The following REPIN1 variants were observed in gnomAD, a reference collection of about 807,000 sequenced individuals.
The protein encoded by REPIN1 is DNA-binding protein REPIN1.
A neutral mutation model predicts 5.7 loss-of-function variants in REPIN1; 4 were observed. That is an observed-to-expected ratio of 0.71 (90% confidence interval 0.35 to 1.62). The LOEUF (loss-of-function observed/expected upper bound fraction) is 1.62, where lower values mean the gene tolerates loss of function less well. Among genes scored for constraint, REPIN1 ranks in the 40% most tolerant of loss-of-function variants. REPIN1 has a pLI of 0.05. For synonymous variants in REPIN1, 410 were observed against 386.2 expected (o/e 1.06, Z -0.72); for missense variants, 854 against 901.0 (o/e 0.95, Z 0.67).
chr7:150,372,481 A>G lies in REPIN1; in HGVS notation c.1411A>G (p.Lys471Glu). 6.5e-7 allele frequency: 1 copy of G among 1,543,796 alleles called. No homozygotes were observed. Among genetic ancestry groups the G allele is most frequent in the South Asian group, 1.2e-5 (1 of 83,412 alleles). The change falls in exon 3 of 3, where the codon AAG becomes GAG. Residue 471 changes from lysine (K) to glutamate (E), a missense_variant. Transcript: ENST00000489432. The stretch of plus-strand genomic sequence containing the variant: ...CGCCGAGTGCGGGAAGAACTTCGGC[A>G]AGAAGACGCACCTGGTGGCGCACTC... ...TCAECGKNFGKKTHLVAHSRV... is the reference protein window; with the variant it reads ...TCAECGKNFGEKTHLVAHSRV...
At chr7:150,368,734 C>G (rs1323244575), upstream of REPIN1, 2 of 264,480 alleles carry the variant, frequency 7.6e-6, no homozygotes, top group African/African-American at 2.3e-5. Flanking sequence ...CAGGCCGCGG[C>G]CGCGGGAGCC....
rs1211742024 is a variant in REPIN1, at chr7:150,371,345, C to G, written c.275C>G (p.Ser92Cys). ...QESPQTLGKESRGLRQQGTSV... is the reference protein window; with the variant it reads ...QESPQTLGKECRGLRQQGTSV... ...TCACCCCAGACCCTGGGGAAGGAGT[C>G]CCGCGGGCTGAGGCAACAAGGCACG... The change falls in exon 3 of 3, where the codon TCC becomes TGC. Residue 92 changes from serine to cysteine, a missense_variant. Physicochemically the swap from Ser to Cys is moderately radical, Grantham distance 112. Around this residue, in one of 5 missense-constraint regions of REPIN1, gnomAD observed 409 missense variants for 418.6 expected, o/e 0.98. Coordinates refer to ENST00000489432, the MANE Select transcript of REPIN1 (RefSeq NM_001099695.2). The G allele has an allele frequency of 6.3e-7, 1 of 1,586,654 alleles. No individual in the cohort carries two copies. Among genetic ancestry groups the G allele is most frequent in the Admixed American group, 1.8e-5 (1 of 56,100 alleles).
Position 150,371,991 on chromosome 7 carries a change from C to G in REPIN1, c.921C>G (p.Asn307Lys). Residue 307 changes from asparagine (N) to lysine (K), a missense_variant, in exon 3 of 3, where the codon AAC becomes AAG. Physicochemically the swap from Asn to Lys is moderately conservative, Grantham distance 94 (BLOSUM62 0). Around this residue, in one of 5 missense-constraint regions of REPIN1, gnomAD observed 12 missense variants for 29.8 expected, o/e 0.40. Coordinates refer to ENST00000489432, the MANE Select transcript of REPIN1 (RefSeq NM_001099695.2). Reference protein sequence around the residue: ...CCGKRFRHKPNLIAHRRVHTG... With the variant: ...CCGKRFRHKPKLIAHRRVHTG... The stretch of plus-strand genomic sequence containing the variant: ...GCAAGCGCTTCCGGCACAAGCCCAA[C>G]TTGATCGCTCACCGCCGCGTGCACA... The G allele has an allele frequency of 6.2e-7, 1 of 1,611,486 alleles. No homozygotes were observed. Among genetic ancestry groups the G allele is most frequent in the Non-Finnish European group, 8.5e-7 (1 of 1,179,678 alleles).
In REPIN1 at chr7:150,371,985, G is replaced by A. The variant is rs747511625; in HGVS notation, c.915G>A (p.Lys305=). 3.1e-6 allele frequency: 5 copies of A among 1,610,904 alleles called. No individual in the cohort carries two copies. The East Asian group carries it at 8.9e-5, about 29-fold the overall frequency. The change falls in exon 3 of 3, where the codon AAG becomes AAA. Residue 305 remains lysine (K), a synonymous_variant. Transcript: ENST00000489432. ...GTTGTGGCAAGCGCTTCCGGCACAAGCCCAACTTGATCGCTCACCGCCGCG... is the reference window on the plus strand; with the variant it reads ...GTTGTGGCAAGCGCTTCCGGCACAAACCCAACTTGATCGCTCACCGCCGCG... The part of the protein sequence containing the change: ...CACCGKRFRH[K]PNLIAHRRVH...
chr7:150,368,661 G>A (rs1242314506), upstream of REPIN1: 1 of 205,354 alleles, frequency 4.9e-6, no homozygotes, highest in East Asian at 1.3e-4. Context: ...AGTGGCTTGA[G>A]TGACCCGGCC....
chr7:150,370,642 C>A, intron 2 of REPIN1: 1 of 679,150 alleles, frequency 1.5e-6, no homozygotes, highest in Non-Finnish European at 2.7e-6. Context: ...GGAAAGAACA[C>A]TGGCCTGGGA....
In REPIN1 at chr7:150,371,971, C is replaced by T; in HGVS notation, c.901C>T (p.Arg301Cys). ...RPFQCACCGKRFRHKPNLIAH... is the reference protein window; with the variant it reads ...RPFQCACCGKCFRHKPNLIAH... ...CTTCCAGTGTGCCTGTTGTGGCAAG[C>T]GCTTCCGGCACAAGCCCAACTTGAT... Residue 301 changes from arginine (R) to cysteine (C), a missense_variant, in exon 3 of 3, where the codon CGC becomes TGC. By Grantham distance (180) the Arg-to-Cys change is radical. This residue lies in a region of REPIN1 where 409 missense variants were observed against 418.6 expected (regional missense o/e 0.98). Coordinates refer to ENST00000489432, the MANE Select transcript of REPIN1 (RefSeq NM_001099695.2). 2 of 1,610,362 alleles carry T rather than the reference C, an allele frequency of 1.2e-6. No individual in the cohort carries two copies. Among genetic ancestry groups the T allele is most frequent in the Non-Finnish European group, 1.7e-6 (2 of 1,179,626 alleles).
chr7:150,370,380 T>G (rs1210954988), intron 2 of REPIN1: 12 of 306,042 alleles, frequency 3.9e-5, no homozygotes, highest in Non-Finnish European at 5.7e-5. Flanking sequence ...TGTCCTAATT[T>G]GTGTGGGTGG....
rs772783181 is a variant in REPIN1 at position 150,372,911 on chromosome 7, G to A, written c.1841G>A (p.Arg614Lys). 1.2e-5 allele frequency: 20 copies of A among 1,613,238 alleles called. No homozygotes were observed. Among genetic ancestry groups the A allele is most frequent in the South Asian group, 2.2e-5 (2 of 91,080 alleles). The change falls in exon 3 of 3, where the codon AGA becomes AAA. Residue 614 changes from arginine (R) to lysine (K), a missense_variant. By Grantham distance (26) the Arg-to-Lys change is conservative. This residue lies in a region of REPIN1 where 101 missense variants were observed against 124.7 expected (regional missense o/e 0.81). Coordinates refer to ENST00000489432, the MANE Select transcript of REPIN1 (RefSeq NM_001099695.2). ...ICGQTFDDEE[R>K]LLAHQKKHDV ...GGCCAGACCTTCGACGACGAGGAGA[G>A]ACTCCTGGCCCACCAGAAGAAGCAC... is the stretch of plus-strand genomic sequence containing the variant.
chr7:150,372,120 G>C lies in REPIN1; in HGVS notation c.1050G>C (p.Pro350=). Residue 350 remains proline, a synonymous_variant, in exon 3 of 3, where the codon CCG becomes CCC. Transcript: ENST00000489432. The part of the protein sequence containing the change: ...RRIHTGEKPY[P]CKECGRRFRH... The stretch of plus-strand genomic sequence containing the variant: ...TCCACACCGGCGAGAAGCCCTACCC[G>C]TGCAAAGAGTGCGGCCGCCGCTTCC... 6.2e-7 allele frequency: 1 copy of C among 1,609,920 alleles called. No homozygotes were observed. The highest frequency in any genetic ancestry group is 8.5e-7 in the Non-Finnish European group (1 of 1,178,704).
At position 150,371,359 on chromosome 7, in the gene REPIN1, C is replaced by A; in HGVS notation, c.289C>A (p.Gln97Lys). ...TLGKESRGLR[Q>K]QGTSVAQSGA... is the part of the protein sequence containing the mutation. ...GGGGAAGGAGTCCCGCGGGCTGAGG[C>A]AACAAGGCACGTCAGTGGCCCAGTC... Residue 97 changes from glutamine (Q) to lysine (K), a missense_variant, in exon 3 of 3, where the codon CAA becomes AAA. By Grantham distance (53) the Gln-to-Lys change is moderately conservative. Transcript: ENST00000489432. The A allele has an allele frequency of 6.3e-7, 1 of 1,591,126 alleles. No homozygotes were observed. Among genetic ancestry groups the A allele is most frequent in the Non-Finnish European group, 8.5e-7 (1 of 1,169,866 alleles).
chr7:150,370,191 C>G (rs926169689), intron 2 of REPIN1: 17 of 297,696 alleles, frequency 5.7e-5, no homozygotes, highest in African/African-American at 3.6e-4. Context: ...CATGGGGCAG[C>G]CCCTGGCGAG....
Position 150,373,026 on chromosome 7 carries a change from C to G in REPIN1, c.*81C>G. 1 of 1,538,158 alleles carries G rather than the reference C, an allele frequency of 6.5e-7. No homozygotes were observed. The highest frequency in any genetic ancestry group is 8.8e-7 in the Non-Finnish European group (1 of 1,136,704). On this transcript the variant is annotated 3_prime_UTR_variant, in exon 3 of 3. Coordinates refer to ENST00000489432, the MANE Select transcript of REPIN1 (RefSeq NM_001099695.2). ...GTCGCAGTGGGCTGGGGGTGCCTGC[C>G]TAGTGCTGGAGTAGGGGACAATGGG...
At position 150,371,473 on chromosome 7, in the gene REPIN1, C is replaced by G. The variant is rs746603161; in HGVS notation, c.403C>G (p.Arg135Gly). Reference sequence around the variant, plus strand: ...GGTGGCTCTGTGGCTTCACACCCGCCGGTGCCAGGCCCGGCTGCCCTTGCC... The same window carrying G: ...GGTGGCTCTGTGGCTTCACACCCGCGGGTGCCAGGCCCGGCTGCCCTTGCC... The part of the protein sequence containing the change: ...GWVALWLHTR[R>G]CQARLPLPCP... The change falls in exon 3 of 3, where the codon CGG becomes GGG. Residue 135 changes from arginine to glycine, a missense_variant. Around this residue, in one of 5 missense-constraint regions of REPIN1, gnomAD observed 409 missense variants for 418.6 expected, o/e 0.98. Coordinates refer to ENST00000489432, the MANE Select transcript of REPIN1 (RefSeq NM_001099695.2). 2 of 1,607,404 alleles carry G rather than the reference C, an allele frequency of 1.2e-6. No individual in the cohort carries two copies. Among genetic ancestry groups the G allele is most frequent in the Non-Finnish European group, 1.7e-6 (2 of 1,179,588 alleles).
chr7:150,372,634 G>T lies in REPIN1; in HGVS notation c.1564G>T (p.Gly522Cys), dbSNP rs776015913. The change falls in exon 3 of 3, where the codon GGC becomes TGC. Residue 522 changes from glycine to cysteine, a missense_variant. Gly to Cys is a radical substitution (Grantham distance 159). Around this residue, in one of 5 missense-constraint regions of REPIN1, gnomAD observed 327 missense variants for 307.8 expected, o/e 1.06. Transcript: ENST00000489432. Reference sequence around the variant, plus strand: ...TCGGCCCTTCGTGTGTCCCGACTGCGGCAAGGCCTTCCGCCACAAACCCTA... The same window carrying T: ...TCGGCCCTTCGTGTGTCCCGACTGCTGCAAGGCCTTCCGCCACAAACCCTA... Reference protein sequence around the residue: ...PDRPFVCPDCGKAFRHKPYLA... With the variant: ...PDRPFVCPDCCKAFRHKPYLA... 20 of 1,610,800 alleles carry T rather than the reference G, an allele frequency of 1.2e-5. No homozygotes were observed. Among genetic ancestry groups the T allele is most frequent in the Non-Finnish European group, 1.6e-5 (19 of 1,179,722 alleles).
At chr7:150,368,687 C>A (rs927317975), upstream of REPIN1, 16 of 224,218 alleles carry the variant, frequency 7.1e-5, no homozygotes, top group African/African-American at 3.2e-4. Context: ...TTGGCGGGGG[C>A]GCCCGCGCCC....
chr7:150,368,795 C>A (rs572119381), upstream of REPIN1: 2 of 293,154 alleles, frequency 6.8e-6, no homozygotes, highest in East Asian at 1.3e-4. Flanking sequence ...GGGAACCCGG[C>A]GGGGGGAGGT....
chr7:150,371,883 C>G lies in REPIN1; in HGVS notation c.813C>G (p.Pro271=). The G allele has an allele frequency of 6.2e-7, 1 of 1,605,912 alleles. No homozygotes were observed. The highest frequency in any genetic ancestry group is 2.2e-5 in the East Asian group (1 of 44,754). Residue 271 remains proline, a synonymous_variant, in exon 3 of 3, where the codon CCC becomes CCG. Transcript: ENST00000489432. ...LEEAAAKALG[P]RPRGRPAVTA... ...AGGCCGCAGCCAAGGCTCTGGGGCC[C>G]CGGCCCAGGGGCCGCCCCGCGGTGA...
chr7:150,372,332 C>T lies in REPIN1; in HGVS notation c.1262C>T (p.Pro421Leu). The T allele has an allele frequency of 6.6e-7, 1 of 1,522,116 alleles. No homozygotes were observed. The highest frequency in any genetic ancestry group is 8.8e-7 in the Non-Finnish European group (1 of 1,141,546). 94.3% of individuals were successfully genotyped at this position (1,522,116 alleles called of 1,614,324 possible). A position where few individuals can be genotyped will look rare whatever the true frequency, so the allele number is the denominator to read the frequency against. Residue 421 changes from proline to leucine, a missense_variant, in exon 3 of 3, where the codon CCG becomes CTG. Pro to Leu is a moderately conservative substitution (Grantham distance 98, BLOSUM62 -3). Transcript: ENST00000489432. ...EPPPGAPPEH[P>L]QDPIEAPPSL... Reference sequence around the variant, plus strand: ...CCGCCAGGGGCCCCGCCAGAGCACCCGCAGGACCCGATCGAAGCCCCCCCC... The same window carrying T: ...CCGCCAGGGGCCCCGCCAGAGCACCTGCAGGACCCGATCGAAGCCCCCCCC...
Sources: allele counts gnomAD v4.1 joint callset, GRCh38; gene constraint gnomAD v4.1.1; regional missense constraint gnomAD v4.1.1; transcripts MANE v1.5; gene names NCBI Gene and HGNC (gene_info 2026-07-23, HGNC 2026-07-21).